The following PTGES2 variants were observed in gnomAD, a reference collection of about 807,000 sequenced individuals.
PTGES2 encodes the protein GATE-binding factor 1.
Under a neutral mutation model 44.5 loss-of-function variants are expected in PTGES2, and 35 were observed. The observed-to-expected ratio is 0.79, with a 90% CI of 0.60 to 1.04. The LOEUF is 1.04. Ranked by LOEUF, PTGES2 falls within the 50% of genes least tolerant of loss-of-function variation. The probability of loss-of-function intolerance (pLI) is 0.00; values close to 1 mark genes in which losing one functional copy is unlikely to be tolerated. For synonymous variants in PTGES2, 221 were observed against 227.5 expected (o/e 0.97, Z 0.26); for missense variants, 517 against 521.4 (o/e 0.99, Z 0.08).
At chr9:128,127,833 T>C (rs1045693002), upstream of PTGES2, 13 of 1,017,958 alleles carry the variant, frequency 1.3e-5, no homozygotes, top group Admixed American at 4.4e-4. Flanking sequence ...AGGGCGACGC[T>C]AAGGGAACCC....
At position 128,120,866 on chromosome 9, in the gene PTGES2, T is replaced by C. The variant is rs1028332142; in HGVS notation, c.*279A>G. On this transcript the variant is annotated 3_prime_UTR_variant, in exon 7 of 7. Transcript: ENST00000338961. ...GGCCCCCACCCACAGGATGTAGCCA[T>C]GGGACAGCCACTGAGGGTCCAGGAA... is the stretch of plus-strand genomic sequence containing the variant. 1.9e-5 allele frequency: 9 copies of C among 470,950 alleles called. No homozygotes were observed. Among genetic ancestry groups the C allele is most frequent in the South Asian group, 1.4e-4 (5 of 35,568 alleles). 29.2% of individuals were successfully genotyped at this position (470,950 alleles called of 1,614,324 possible).
At position 128,123,179 on chromosome 9, in the gene PTGES2, T is replaced by C. The variant is rs766026858; in HGVS notation, c.687-45A>G. On this transcript the variant is annotated intron_variant, in intron 4 of 6. Coordinates refer to ENST00000338961, the MANE Select transcript of PTGES2 (RefSeq NM_025072.7). The surrounding 1 kb of genome is among the most constrained non-coding windows in gnomAD (Gnocchi z 4.4). ...TTCCTAAGCCAGGACCCGGGCTGTGTTGGGAGCAGGCTGCATTCTCTAGAA... is the reference window on the plus strand; with the variant it reads ...TTCCTAAGCCAGGACCCGGGCTGTGCTGGGAGCAGGCTGCATTCTCTAGAA... 2.5e-6 allele frequency: 4 copies of C among 1,582,352 alleles called. No homozygotes were observed. Among genetic ancestry groups the C allele is most frequent in the South Asian group, 1.1e-5 (1 of 90,148 alleles).
chr9:128,124,968 GAATCACACCTCA>G (rs150091478), intron 2 of PTGES2: 10,702 of 866,226 alleles, frequency 0.012, 265 homozygotes, highest in East Asian at 0.084. Context: ...GTGAGTGGGT[GAATCACACCTCA>G]AACCCAGATC....
chr9:128,122,909 G>A (rs1416377259), intron 5 of PTGES2, 25 bp downstream of exon 5: 17 of 1,609,232 alleles, frequency 1.1e-5, no homozygotes, highest in Non-Finnish European at 1.4e-5. Flanking sequence ...GGGACAGCAG[G>A]CCCCGGATGT....
Position 128,121,276 on chromosome 9 carries a change from G to A in PTGES2, c.1006-3C>T. 1.9e-6 allele frequency: 3 copies of A among 1,605,202 alleles called. No individual in the cohort carries two copies. The highest frequency in any genetic ancestry group is 2.6e-6 in the Non-Finnish European group (3 of 1,173,924). ...ACACGCAGCACGCCATACACCGCCT[G>A]GGGCACGAACAGAAACGTGTCACCA... On this transcript the variant is annotated splice_region_variant and splice_polypyrimidine_tract_variant and intron_variant, in intron 6 of 6. Transcript: ENST00000338961.
chr9:128,121,073 G>A lies in PTGES2; in HGVS notation c.*72C>T, dbSNP rs995607081. The A allele has an allele frequency of 8.5e-6, 13 of 1,533,740 alleles. No homozygotes were observed. Among genetic ancestry groups the A allele is most frequent in the South Asian group, 3.6e-5 (3 of 83,452 alleles). On this transcript the variant is annotated 3_prime_UTR_variant, in exon 7 of 7. Coordinates refer to ENST00000338961, the MANE Select transcript of PTGES2 (RefSeq NM_025072.7). The stretch of plus-strand genomic sequence containing the variant: ...CTGCCCCCAACCAGTATCGCCAGGC[G>A]CTGGCCCAGTGGCCCCAGGCCCTGG...
At position 128,123,140 on chromosome 9, in the gene PTGES2, G is replaced by A; in HGVS notation, c.687-6C>T. 6.2e-7 allele frequency: 1 copy of A among 1,607,108 alleles called. No homozygotes were observed. The highest frequency in any genetic ancestry group is 1.1e-5 in the South Asian group (1 of 91,016). On this transcript the variant is annotated splice_polypyrimidine_tract_variant and splice_region_variant and intron_variant, in intron 4 of 6. Transcript: ENST00000338961. The surrounding 1 kb of genome is among the most constrained non-coding windows in gnomAD (Gnocchi z 4.4). ...GCCGCCACTTCATCTCCTCCCTGCG[G>A]GCACGGGAGGGACTTCCTAAGCCAG...
At chr9:128,121,325 A>T in intron 6 of PTGES2, 52 bp from the exon 7 acceptor site, 1 of 1,569,484 alleles carries the variant, frequency 6.4e-7, no homozygotes, top group Non-Finnish European at 8.7e-7. Context: ...AGGCATCCAG[A>T]CCTCCTTCGT....
In PTGES2 at chr9:128,121,216, G is replaced by C. The variant is rs1214800270; in HGVS notation, c.1063C>G (p.Gln355Glu). The change falls in exon 7 of 7, where the codon CAG becomes GAG. Residue 355 changes from glutamine (Q) to glutamate (E), a missense_variant. By Grantham distance (29) the Gln-to-Glu change is conservative. Coordinates refer to ENST00000338961, the MANE Select transcript of PTGES2 (RefSeq NM_025072.7). Reference protein sequence around the residue: ...EGLDAFDDLMQHTHIQPWYLR... With the variant: ...EGLDAFDDLMEHTHIQPWYLR... ...TACCAGGGCTGGATGTGCGTGTGCT[G>C]CATCAGGTCATCGAACGCATCCAGC... is the stretch of plus-strand genomic sequence containing the variant. 1.3e-5 allele frequency: 21 copies of C among 1,600,850 alleles called. No individual in the cohort carries two copies. Among genetic ancestry groups the C allele is most frequent in the African/African-American group, 5.4e-5 (4 of 74,658 alleles).
intron 1 of PTGES2, 137 bp from the exon 2 acceptor site, chr9:128,125,578 G>A (rs973788118): frequency 1.1e-5 from 9 of 801,564 alleles, no homozygotes; most frequent in Middle Eastern, 3.7e-4. Context: ...GGAAGGGGGC[G>A]GTAGGGGAAA....
In PTGES2 at chr9:128,123,869, A is replaced by G. The variant is rs762167917; in HGVS notation, c.537-18T>C. On this transcript the variant is annotated intron_variant, in intron 3 of 6. Transcript: ENST00000338961. The surrounding 1 kb of genome is among the most constrained non-coding windows in gnomAD (Gnocchi z 4.4). ...GGGGCTGCCTTCGGAGAGAGCCACA[A>G]TATCACCCCAACTCCTTCCCCCTCC... 5.0e-6 allele frequency: 8 copies of G among 1,610,164 alleles called. No individual in the cohort carries two copies. Among genetic ancestry groups the G allele is most frequent in the African/African-American group, 1.3e-5 (1 of 74,784 alleles).
chr9:128,127,421 G>T lies in PTGES2; in HGVS notation c.279+18C>A. The T allele has an allele frequency of 7.5e-7, 1 of 1,341,404 alleles. No individual in the cohort carries two copies. Among genetic ancestry groups the T allele is most frequent in the Non-Finnish European group, 9.6e-7 (1 of 1,044,336 alleles). 83.1% of individuals were successfully genotyped at this position (1,341,404 alleles called of 1,614,324 possible). A position where few individuals can be genotyped will look rare whatever the true frequency, so the allele number is the denominator to read the frequency against. ...GGCGCTGATCAGCATCCCCATCCCC[G>T]GCCGGGCCAGGCCTTACCTGCGCGG... is the stretch of plus-strand genomic sequence containing the variant. On this transcript the variant is annotated intron_variant, in intron 1 of 6. Transcript: ENST00000338961.
upstream of PTGES2, chr9:128,127,975 C>A (rs997262794): frequency 6.8e-6 from 3 of 444,026 alleles, no homozygotes; most frequent in Admixed American, 1.2e-4. Context: ...GGTAGTGACC[C>A]GGCCGACTGC....
At chr9:128,121,948 C>A (rs534729664) in intron 6 of PTGES2, among the ~76,000 whole-genome samples, 24 of 151,642 alleles carry the variant, frequency 1.6e-4, no homozygotes, top group African/African-American at 5.6e-4. Flanking sequence ...CAAAAAAAAA[C>A]AAAAGGAAAA....
chr9:128,127,914 G>C (rs1268076659), upstream of PTGES2: 2 of 461,024 alleles, frequency 4.3e-6, no homozygotes. Context: ...GCAGAGGCCC[G>C]CTCGGGAACG....
At position 128,125,350 on chromosome 9, in the gene PTGES2, G is replaced by A; in HGVS notation, c.371C>T (p.Ala124Val). ...SKVRAFLDFH[A>V]LPYQVVEVNP... ...CACCTCCACCACCTGGTAGGGCAGG[G>A]CATGGAAGTCGAGGAAGGCTCGGAC... The change falls in exon 2 of 7, where the codon GCC becomes GTC. Residue 124 changes from alanine to valine, a missense_variant. Coordinates refer to ENST00000338961, the MANE Select transcript of PTGES2 (RefSeq NM_025072.7). 1.2e-6 allele frequency: 2 copies of A among 1,614,188 alleles called. No individual in the cohort carries two copies. Among genetic ancestry groups the A allele is most frequent in the South Asian group, 1.1e-5 (1 of 91,090 alleles).
At position 128,123,332 on chromosome 9, in the gene PTGES2, C is replaced by T. The variant is rs753685662; in HGVS notation, c.687-198G>A. On this transcript the variant is annotated intron_variant, in intron 4 of 6. Transcript: ENST00000338961. The surrounding 1 kb of genome is among the most constrained non-coding windows in gnomAD (Gnocchi z 4.4). ...CACCATCTCAGCTCACTGCATCCTCCGCCTCCTGGGTTCAAGCGATTCTCC... is the reference window on the plus strand; with the variant it reads ...CACCATCTCAGCTCACTGCATCCTCTGCCTCCTGGGTTCAAGCGATTCTCC... 7.2e-5 allele frequency among the ~76,000 whole-genome samples: 11 copies of T among 152,018 alleles called. No individual in the cohort carries two copies. The highest frequency in any genetic ancestry group is 1.5e-4 in the African/African-American group (6 of 41,378).
At position 128,121,017 on chromosome 9, in the gene PTGES2, T is replaced by A; in HGVS notation, c.*128A>T. ...CCTGTGTTAGAAGCGAGAGGGCTGGTGGGGGTGCGTGGACAAGGGGCAGAA... is the reference window on the plus strand; with the variant it reads ...CCTGTGTTAGAAGCGAGAGGGCTGGAGGGGGTGCGTGGACAAGGGGCAGAA... On this transcript the variant is annotated 3_prime_UTR_variant, in exon 7 of 7. Coordinates refer to ENST00000338961, the MANE Select transcript of PTGES2 (RefSeq NM_025072.7). 2 of 1,212,696 alleles carry A rather than the reference T, an allele frequency of 1.6e-6. No individual in the cohort carries two copies. The highest frequency in any genetic ancestry group is 2.3e-6 in the Non-Finnish European group (2 of 870,886). The allele number at this position is 1,212,696 out of a possible 1,614,324, so 75.1% of individuals were successfully genotyped here. A position where few individuals can be genotyped will look rare whatever the true frequency, so the allele number is the denominator to read the frequency against.
At chr9:128,127,733 GC>G (rs1340660869), upstream of PTGES2, 45 of 1,252,180 alleles carry the variant, frequency 3.6e-5, no homozygotes, top group Non-Finnish European at 4.4e-5. Flanking sequence ...CTCCGCCGGC[GC>G]CGCGGGCGGG....
Sources: gnomAD v4.1 joint callset for allele counts (sites outside exome capture counted in the v4.1 genomes callset) on GRCh38, gnomAD v4.1.1 for gene constraint, Gnocchi (gnomAD v3.1) non-coding constraint, MANE v1.5 for transcripts, NCBI Gene and HGNC (gene_info 2026-07-23, HGNC 2026-07-21) for gene names.